Variants in ATP8A2 observed in about 807,000 individuals in gnomAD.
The protein encoded by ATP8A2 is phospholipid-transporting ATPase IB.
Under a neutral mutation model 165.6 loss-of-function variants are expected in ATP8A2, and 100 were observed. The ratio of observed to expected loss-of-function variants is 0.60; its 90% confidence interval spans 0.51 to 0.71. The LOEUF (loss-of-function observed/expected upper bound fraction) is 0.71, where lower values mean the gene tolerates loss of function less well. ATP8A2 is among the 30% of genes least tolerant of loss of function. The probability of loss-of-function intolerance (pLI) is 0.00; values close to 1 mark genes in which losing one functional copy is unlikely to be tolerated. For synonymous variants in ATP8A2, 543 were observed against 548.8 expected (o/e 0.99, Z 0.15); for missense variants, 1,227 against 1,479.5 (o/e 0.83, Z 2.80).
intron 27 of ATP8A2, among the ~76,000 whole-genome samples, chr13:25,820,911 AT>A (rs985317442): frequency 2.0e-5 from 3 of 151,168 alleles, no homozygotes; most frequent in Admixed American, 6.6e-5. Context: ...TAAGAAGTGG[AT>A]TTTTTTGTTT....
At chr13:25,480,306 C>T (rs1273592462) in intron 2 of ATP8A2, among the ~76,000 whole-genome samples, 1 of 151,472 alleles carries the variant, frequency 6.6e-6, no homozygotes, top group Non-Finnish European at 1.5e-5. Flanking sequence ...CTGACCCCCA[C>T]CTCCCTCCCG....
intron 35 of ATP8A2, among the ~76,000 whole-genome samples, chr13:25,975,461 A>G (rs1204207714): frequency 2.0e-5 from 3 of 151,862 alleles, no homozygotes; most frequent in African/African-American, 7.3e-5. Context: ...GGGCACCTGT[A>G]GTCCCAGCTA....
At chr13:25,997,230 C>A (rs1486576933) in intron 35 of ATP8A2, among the ~76,000 whole-genome samples, 1 of 152,184 alleles carries the variant, frequency 6.6e-6, no homozygotes, top group Non-Finnish European at 1.5e-5. Flanking sequence ...GATATTTTCA[C>A]TGGGTTGACA....
intron 11 of ATP8A2, 71 bp from the exon 12 acceptor site, chr13:25,553,722 C>T: frequency 1.4e-6 from 2 of 1,480,700 alleles, no homozygotes; most frequent in Non-Finnish European, 1.8e-6. Context: ...ACTATTTTAA[C>T]ATGAATCTCT....
At chr13:25,511,794 G>A (rs1275364189) in intron 2 of ATP8A2, among the ~76,000 whole-genome samples, 7 of 151,772 alleles carry the variant, frequency 4.6e-5, no homozygotes, top group Admixed American at 1.3e-4. Flanking sequence ...TGGGTACTTC[G>A]TGTACCCTTT....
chr13:25,568,493 T>C (rs1040438432), intron 16 of ATP8A2, among the ~76,000 whole-genome samples: 1 of 152,186 alleles, frequency 6.6e-6, no homozygotes, highest in Non-Finnish European at 1.5e-5. Flanking sequence ...TTTGTACATA[T>C]TATAAGCTGT....
intron 25 of ATP8A2, among the ~76,000 whole-genome samples, chr13:25,717,418 T>TAAAAAAAAA (rs55732375): frequency 8.4e-4 from 80 of 94,986 alleles, no homozygotes; most frequent in African/African-American, 1.8e-3. Flanking sequence ...CTGAAAAAAC[T>TAAAAAAAAA]AAAAAAAAAA....
At chr13:25,980,922 A>T (rs550537079) in intron 35 of ATP8A2, among the ~76,000 whole-genome samples, 1 of 152,218 alleles carries the variant, frequency 6.6e-6, no homozygotes, top group Non-Finnish European at 1.5e-5. Flanking sequence ...TCAATACTGT[A>T]TATAAAAATA....
chr13:25,615,960 G>A (rs1223848006), intron 24 of ATP8A2, among the ~76,000 whole-genome samples: 1 of 152,078 alleles, frequency 6.6e-6, no homozygotes, highest in African/African-American at 2.4e-5. Flanking sequence ...CGACTCTCCT[G>A]GTATGTTCCT....
intron 33 of ATP8A2, among the ~76,000 whole-genome samples, chr13:25,943,020 T>C (rs1955112270): frequency 1.3e-5 from 2 of 152,092 alleles, no homozygotes; most frequent in African/African-American, 2.4e-5. Flanking sequence ...CTGAGAGTCT[T>C]GGGCATTGCA....
chr13:25,454,390 G>A (rs2035307219), intron 1 of ATP8A2, among the ~76,000 whole-genome samples: 1 of 151,598 alleles, frequency 6.6e-6, no homozygotes, highest in Admixed American at 6.6e-5. Context: ...CGAGCAGACA[G>A]AGATGGAGTT....
chr13:25,654,724 C>T (rs2041888729), intron 24 of ATP8A2, among the ~76,000 whole-genome samples: 1 of 152,206 alleles, frequency 6.6e-6, no homozygotes, highest in Non-Finnish European at 1.5e-5. Flanking sequence ...GGTCATCTCC[C>T]TTTATTTCGC....
chr13:25,541,300 T>A (rs991433384), intron 8 of ATP8A2, among the ~76,000 whole-genome samples: 2 of 151,996 alleles, frequency 1.3e-5, no homozygotes, highest in Non-Finnish European at 2.9e-5. Context: ...GCTTTAGACT[T>A]TTTTTTTCCA....
intron 25 of ATP8A2, among the ~76,000 whole-genome samples, chr13:25,725,649 C>T (rs2043477182): frequency 6.6e-6 from 1 of 152,232 alleles, no homozygotes; most frequent in Non-Finnish European, 1.5e-5. Flanking sequence ...ACACATGATT[C>T]TTCTGTGCCT....
intron 27 of ATP8A2, among the ~76,000 whole-genome samples, chr13:25,815,420 C>T (rs1350609705): frequency 2.0e-5 from 3 of 152,094 alleles, no homozygotes; most frequent in African/African-American, 7.2e-5. Flanking sequence ...ATGCAAATAT[C>T]CAATAAGCAA....
intron 26 of ATP8A2, among the ~76,000 whole-genome samples, chr13:25,774,125 C>T (rs1266546700): frequency 1.6e-5 from 2 of 127,356 alleles, no homozygotes; most frequent in African/African-American, 5.3e-5. Context: ...CCTATTGCAG[C>T]ACTATTCATA....
At chr13:25,849,816 T>G (rs1163046565) in intron 30 of ATP8A2, among the ~76,000 whole-genome samples, 1 of 152,230 alleles carries the variant, frequency 6.6e-6, no homozygotes, top group Middle Eastern at 3.2e-3. Flanking sequence ...GAGCCACACA[T>G]AACACTGAAT....
At chr13:25,656,071 T>G (rs956364013) in intron 24 of ATP8A2, among the ~76,000 whole-genome samples, 4 of 152,208 alleles carry the variant, frequency 2.6e-5, no homozygotes, top group African/African-American at 9.6e-5. Context: ...TGACTCCCCC[T>G]GTGTAACCTT....
chr13:25,420,001 A>G (rs2034253237), intron 1 of ATP8A2, among the ~76,000 whole-genome samples: 1 of 152,210 alleles, frequency 6.6e-6, no homozygotes, highest in Admixed American at 6.5e-5. Flanking sequence ...TACGATACAT[A>G]CTTCAAGGAA....
Sources: gnomAD v4.1 joint callset for allele counts (sites outside exome capture counted in the v4.1 genomes callset) on GRCh38, gnomAD v4.1.1 for gene constraint, MANE v1.5 for transcripts, NCBI Gene and HGNC (gene_info 2026-07-23, HGNC 2026-07-21) for gene names.